Variants in TMEM87A observed in about 807,000 individuals in gnomAD.
TMEM87A encodes transmembrane protein 87A, also known as Golgi-pH regulating cation channel.
TMEM87A carries 50 observed loss-of-function variants against 90.0 expected under a neutral mutation model. The observed-to-expected ratio is 0.56, with a 90% CI of 0.44 to 0.70. TMEM87A has a LOEUF of 0.70. Ranked by LOEUF, TMEM87A falls within the 30% of genes least tolerant of loss-of-function variation. The pLI is 0.00. For missense variants in TMEM87A, 577 were observed against 660.5 expected (o/e 0.87, Z 1.39); for synonymous variants, 226 against 226.7 (o/e 1.00, Z 0.03).
At chr15:42,250,709 A>G (rs555786548) in intron 6 of TMEM87A, among the ~76,000 whole-genome samples, 2 of 151,886 alleles carry the variant, frequency 1.3e-5, no homozygotes, top group Non-Finnish European at 2.9e-5. Flanking sequence ...TCTGACAATT[A>G]TGTGTCTTGG....
chr15:42,224,619 T>C (rs1382136754), intron 15 of TMEM87A: 2 of 152,254 alleles, frequency 1.3e-5, no homozygotes, highest in African/African-American at 2.4e-5. Context: ...AACATCAGGA[T>C]GGTCTTGAGG....
At chr15:42,249,266 T>G (rs1220310405) in intron 6 of TMEM87A, among the ~76,000 whole-genome samples, 2 of 152,220 alleles carry the variant, frequency 1.3e-5, no homozygotes, top group Non-Finnish European at 2.9e-5. Flanking sequence ...AAGGGTTTTT[T>G]GTGTCTCTAT....
At position 42,261,264 on chromosome 15, in the gene TMEM87A, C is replaced by T. The variant is rs1345228886; in HGVS notation, c.406-15G>A. ...CCAGAAAAGGTCTATAAAAGAAACACAAAACAAAACATTAAAGGTGTGTAA... is the reference window on the plus strand; with the variant it reads ...CCAGAAAAGGTCTATAAAAGAAACATAAAACAAAACATTAAAGGTGTGTAA... On this transcript the variant is annotated splice_polypyrimidine_tract_variant and intron_variant, in intron 4 of 19. Coordinates refer to ENST00000389834, the MANE Select transcript of TMEM87A (RefSeq NM_015497.5). 6.2e-7 allele frequency: 1 copy of T among 1,609,040 alleles called. No homozygotes were observed. The highest frequency in any genetic ancestry group is 2.2e-5 in the East Asian group (1 of 44,792).
chr15:42,267,317 C>T (rs936852381), intron 3 of TMEM87A, among the ~76,000 whole-genome samples: 1 of 152,146 alleles, frequency 6.6e-6, no homozygotes, highest in Admixed American at 6.5e-5. Flanking sequence ...AAAAAAAGTT[C>T]ATTAATATTT....
At position 42,263,980 on chromosome 15, in the gene TMEM87A, T is replaced by C. The variant is rs1234865369; in HGVS notation, c.405+110A>G. The C allele has an allele frequency of 6.6e-6, 5 of 759,038 alleles. No individual in the cohort carries two copies. The East Asian group carries it at 1.3e-4, about 19-fold the overall frequency. The allele number at this position is 759,038 out of a possible 1,614,324, so 47.0% of individuals were successfully genotyped here. On this transcript the variant is annotated intron_variant, in intron 4 of 19. Transcript: ENST00000389834. ...TGTACCTATCAGAACATGCTTCCAC[T>C]TACTTCTGCCAAAAGAAATACTTGA...
At chr15:42,236,053 T>C (rs1012195986) in intron 10 of TMEM87A, among the ~76,000 whole-genome samples, 1 of 152,184 alleles carries the variant, frequency 6.6e-6, no homozygotes, top group Non-Finnish European at 1.5e-5. Flanking sequence ...TTCGGAAGTA[T>C]GGAATACATT....
chr15:42,272,843 G>T, intron 1 of TMEM87A: 2 of 434,370 alleles, frequency 4.6e-6, no homozygotes, highest in Non-Finnish European at 4.5e-6. Flanking sequence ...GGACCAAGAA[G>T]TGCAGAGGAA....
intron 2 of TMEM87A, among the ~76,000 whole-genome samples, chr15:42,269,430 C>G (rs1398976334): frequency 1.3e-5 from 2 of 151,560 alleles, no homozygotes; most frequent in African/African-American, 4.9e-5. Context: ...TTAGAATGTT[C>G]AAAAATTTGA....
intron 1 of TMEM87A, chr15:42,272,618 A>G: frequency 3.8e-6 from 1 of 262,048 alleles, no homozygotes; most frequent in Non-Finnish European, 7.5e-6. Flanking sequence ...TAAAATGGGT[A>G]AGGGGCAGAA....
At chr15:42,227,535 C>A in intron 14 of TMEM87A, 176 bp downstream of exon 14, 3 of 536,214 alleles carry the variant, frequency 5.6e-6, no homozygotes, top group South Asian at 5.2e-5. Context: ...ACTACTATAC[C>A]AAGCACCATG....
intron 6 of TMEM87A, among the ~76,000 whole-genome samples, 179 bp from the exon 7 acceptor site, chr15:42,244,346 G>A (rs1441693008): frequency 6.6e-6 from 1 of 152,056 alleles, no homozygotes; most frequent in Non-Finnish European, 1.5e-5. Context: ...AAGTAGGCTA[G>A]ATTATGAATT....
rs559083167 is a variant in TMEM87A, at chr15:42,229,054, G to A, written c.1132-234C>T. On this transcript the variant is annotated intron_variant, in intron 12 of 19. Coordinates refer to ENST00000389834, the MANE Select transcript of TMEM87A (RefSeq NM_015497.5). ...GAGGCAAGGTCTAGCCCAGGCTAGA[G>A]TGCAGTGGCACAATCACGGCTCACT... is the stretch of plus-strand genomic sequence containing the variant. Among the ~76,000 whole-genome samples, 2 of 151,988 alleles carry A rather than the reference G, an allele frequency of 1.3e-5. 1 individual carries two copies. The highest frequency in any genetic ancestry group is 4.2e-4 in the South Asian group (2 of 4,810).
chr15:42,222,023 G>A (rs2050496330), intron 15 of TMEM87A, among the ~76,000 whole-genome samples: 1 of 152,188 alleles, frequency 6.6e-6, no homozygotes, highest in Non-Finnish European at 1.5e-5. Flanking sequence ...CCAAAGTGCT[G>A]GAATGACAGG....
chr15:42,236,791 G>A lies in TMEM87A; in HGVS notation c.869-372C>T, dbSNP rs573528743. ...AAGCACAAAACACACTCGTGTACAC[G>A]CTTGTTGGCATGTACAGCTTAACTT... On this transcript the variant is annotated intron_variant, in intron 9 of 19. Transcript: ENST00000389834. Among the ~76,000 whole-genome samples, 5 of 152,214 alleles carry A rather than the reference G, an allele frequency of 3.3e-5. 1 individual carries two copies. In the East Asian group the frequency reaches 5.8e-4, roughly 18 times the overall value.
chr15:42,273,373 A>G lies in TMEM87A; in HGVS notation c.26T>C (p.Val9Ala). Residue 9 changes from valine (V) to alanine (A), a missense_variant, in exon 1 of 20, where the codon GTG becomes GCG. By Grantham distance (64) the Val-to-Ala change is moderately conservative. Transcript: ENST00000389834. MAAAAWLQ[V>A]LPVILLLLGA... ...CAGAAGCAGAAGAATGACAGGCAAC[A>G]CCTGAAGCCACGCAGCCGCCGCCAT... 1 of 1,614,004 alleles carries G rather than the reference A, an allele frequency of 6.2e-7. No individual in the cohort carries two copies. The highest frequency in any genetic ancestry group is 8.5e-7 in the Non-Finnish European group (1 of 1,180,016).
chr15:42,272,224 C>A, intron 1 of TMEM87A, 101 bp from the exon 2 acceptor site: 2 of 771,852 alleles, frequency 2.6e-6, no homozygotes, highest in South Asian at 3.6e-5. Flanking sequence ...TAACTTAAAT[C>A]TTTATGGGAC....
At chr15:42,233,142 C>T in intron 11 of TMEM87A, 71 bp downstream of exon 11, 1 of 1,339,602 alleles carries the variant, frequency 7.5e-7, no homozygotes, top group Non-Finnish European at 1.1e-6. Flanking sequence ...CAGACATTTC[C>T]AATCCACACT....
intron 3 of TMEM87A, among the ~76,000 whole-genome samples, chr15:42,264,967 C>T (rs1356844122): frequency 6.6e-6 from 1 of 151,988 alleles, no homozygotes; most frequent in Non-Finnish European, 1.5e-5. Flanking sequence ...GCTTTCTGTT[C>T]CTGTGTTAGT....
At chr15:42,221,800 CA>C (rs1458462559) in intron 15 of TMEM87A, among the ~76,000 whole-genome samples, 2 of 152,100 alleles carry the variant, frequency 1.3e-5, no homozygotes, top group Non-Finnish European at 2.9e-5. Flanking sequence ...GTCCAGGCTG[CA>C]GTGCAGTGGT....
Sources: gnomAD v4.1 joint callset for allele counts (sites outside exome capture counted in the v4.1 genomes callset) on GRCh38, gnomAD v4.1.1 for gene constraint, MANE v1.5 for transcripts, NCBI Gene and HGNC (gene_info 2026-07-23, HGNC 2026-07-21) for gene names.